HMGCLL1: variants seen among roughly 807,000 people sequenced by gnomAD.
HMGCLL1 encodes the protein 3-hydroxymethyl-3-methylglutaryl-CoA lyase, cytoplasmic.
Under a neutral mutation model 39.1 loss-of-function variants are expected in HMGCLL1, and 36 were observed. The ratio of observed to expected loss-of-function variants is 0.92; its 90% CI spans 0.71 to 1.22. The LOEUF (loss-of-function observed/expected upper bound fraction) is 1.22. Ranked by LOEUF, HMGCLL1 falls within the 50% of genes most tolerant of loss-of-function variation. HMGCLL1 has a pLI of 0.00. For synonymous variants in HMGCLL1, 149 were observed against 144.0 expected (o/e 1.03, Z -0.25); for missense variants, 451 against 416.5 (o/e 1.08, Z -0.72).
chr6:55,589,029 G>C, the HMGCLL1 span, among the ~76,000 whole-genome samples: 1 of 152,138 alleles, frequency 6.6e-6, no homozygotes, highest in Non-Finnish European at 1.5e-5. Flanking sequence ...AATAGAAAAA[G>C]AGGGAATCCT....
Position 55,446,831 on chromosome 6 carries a change from TTTAG to T in HMGCLL1, c.796-7276_796-7273del, listed in dbSNP as rs1581789500. 2.0e-5 allele frequency among the ~76,000 whole-genome samples: 3 copies of T among 152,136 alleles called. No individual in the cohort carries two copies. In the East Asian group the frequency reaches 5.8e-4, roughly 29 times the overall value. ...CAAAATATTTTATGAAACCTAAAAT[TTTAG>T]TTATTGAGGTTACTAAAGTCCCAAA... On this transcript the variant is annotated intron_variant, in intron 7 of 8. Transcript: ENST00000274901.
chr6:55,573,181 C>T (rs977062534), intron 1 of HMGCLL1, among the ~76,000 whole-genome samples: 1 of 152,088 alleles, frequency 6.6e-6, no homozygotes, highest in Non-Finnish European at 1.5e-5. Flanking sequence ...TAGGCTAAAC[C>T]TCATATCAGG....
At chr6:55,647,756 TTTA>T in the HMGCLL1 span, among the ~76,000 whole-genome samples, 4 of 109,714 alleles carry the variant, frequency 3.6e-5, no homozygotes, top group African/African-American at 1.5e-4. Context: ...TTTTTTTTTT[TTTA>T]TTTTATTTTA....
At chr6:55,643,840 A>T in the HMGCLL1 span, among the ~76,000 whole-genome samples, 1 of 152,046 alleles carries the variant, frequency 6.6e-6, no homozygotes, top group Non-Finnish European at 1.5e-5. Context: ...AATCTTGGTT[A>T]CTGTGAACAG....
chr6:55,497,125 G>C (rs772730617), intron 6 of HMGCLL1, among the ~76,000 whole-genome samples: 2 of 152,054 alleles, frequency 1.3e-5, no homozygotes, highest in Non-Finnish European at 2.9e-5. Context: ...AATGCATAAA[G>C]GCAGCATGGT....
chr6:55,495,951 A>T (rs942984461), intron 6 of HMGCLL1, among the ~76,000 whole-genome samples: 5 of 152,150 alleles, frequency 3.3e-5, no homozygotes, highest in African/African-American at 9.7e-5. Flanking sequence ...AAACCAAAGC[A>T]TTACAGATCT....
At chr6:55,652,034 T>C in the HMGCLL1 span, among the ~76,000 whole-genome samples, 77 of 152,196 alleles carry the variant, frequency 5.1e-4, 1 homozygote, top group African/African-American at 1.7e-3. Context: ...CTTAGTGATA[T>C]GAAGTTAAAA....
the HMGCLL1 span, among the ~76,000 whole-genome samples, chr6:55,650,106 TA>T: frequency 4.2e-5 from 3 of 71,170 alleles, 1 homozygote; most frequent in Non-Finnish European, 7.6e-5. Context: ...TATATATATA[TA>T]TATATATATA....
the HMGCLL1 span, among the ~76,000 whole-genome samples, chr6:55,628,387 A>T: frequency 6.7e-6 from 1 of 149,242 alleles, no homozygotes; most frequent in Non-Finnish European, 1.5e-5. Context: ...CTGCAACCTC[A>T]GTCTCCTGGG....
the HMGCLL1 span, among the ~76,000 whole-genome samples, chr6:55,661,487 G>C: frequency 2.0e-4 from 30 of 152,000 alleles, no homozygotes; most frequent in African/African-American, 7.0e-4. Context: ...CCCAGTGCTT[G>C]TTTCTGTCAG....
chr6:55,590,910 A>T, the HMGCLL1 span, among the ~76,000 whole-genome samples: 1 of 152,000 alleles, frequency 6.6e-6, no homozygotes, highest in Non-Finnish European at 1.5e-5. Flanking sequence ...TATTTTAACT[A>T]TGTGTATGAA....
At chr6:55,608,138 G>A in the HMGCLL1 span, among the ~76,000 whole-genome samples, 1 of 152,026 alleles carries the variant, frequency 6.6e-6, no homozygotes, top group African/African-American at 2.4e-5. Context: ...TTCTTATATA[G>A]TTTATCCCAC....
the HMGCLL1 span, among the ~76,000 whole-genome samples, chr6:55,660,344 T>G: frequency 6.6e-6 from 1 of 151,856 alleles, no homozygotes; most frequent in Non-Finnish European, 1.5e-5. Context: ...CCAATAATTG[T>G]TTTTTCTGTT....
intron 6 of HMGCLL1, among the ~76,000 whole-genome samples, chr6:55,496,050 C>G (rs1766558460): frequency 6.6e-6 from 1 of 151,966 alleles, no homozygotes; most frequent in Non-Finnish European, 1.5e-5. Context: ...GTGAAATTTA[C>G]AAATATTTCA....
At chr6:55,529,519 C>G (rs992465881) in intron 3 of HMGCLL1, among the ~76,000 whole-genome samples, 5 of 151,874 alleles carry the variant, frequency 3.3e-5, no homozygotes, top group Admixed American at 3.3e-4. Context: ...GGTCTTATTA[C>G]CACAACAAGC....
At chr6:55,666,395 G>T in the HMGCLL1 span, among the ~76,000 whole-genome samples, 2 of 151,738 alleles carry the variant, frequency 1.3e-5, no homozygotes, top group South Asian at 2.1e-4. Flanking sequence ...ACTGTACTTT[G>T]TGAAGTGCCC....
At chr6:55,571,721 A>T (rs1771509119) in intron 1 of HMGCLL1, among the ~76,000 whole-genome samples, 1 of 152,118 alleles carries the variant, frequency 6.6e-6, no homozygotes, top group Non-Finnish European at 1.5e-5. Flanking sequence ...AGGTAGGAGA[A>T]CTGCATGAAC....
chr6:55,675,155 G>A, the HMGCLL1 span, among the ~76,000 whole-genome samples: 1 of 152,054 alleles, frequency 6.6e-6, no homozygotes, highest in East Asian at 1.9e-4. Context: ...ATGGGCATAA[G>A]GTAGAATGCA....
chr6:55,649,782 T>C, the HMGCLL1 span, among the ~76,000 whole-genome samples: 151,412 of 151,702 alleles, frequency 1, 75,561 homozygotes, highest in Middle Eastern at 1. Context: ...ATTCTTTTCT[T>C]TTTAATCTCC....
Sources: gnomAD v4.1 joint callset for allele counts (sites outside exome capture counted in the v4.1 genomes callset) on GRCh38, gnomAD v4.1.1 for gene constraint, MANE v1.5 for transcripts, NCBI Gene and HGNC (gene_info 2026-07-23, HGNC 2026-07-21) for gene names.